SKIC3: variants seen among roughly 807,000 people sequenced by gnomAD.
SKIC3 encodes the protein SKI3 subunit of superkiller complex.
the SKIC3 span, among the ~76,000 whole-genome samples, chr5:95,539,268 T>C: frequency 6.6e-6 from 1 of 150,702 alleles, no homozygotes; most frequent in African/African-American, 2.4e-5. Flanking sequence ...AAAACAACAA[T>C]CCCATCAAAA....
chr5:95,525,426 T>C, the SKIC3 span: 3 of 1,613,964 alleles, frequency 1.9e-6, no homozygotes, highest in South Asian at 1.1e-5. Context: ...TAGTCCTTTT[T>C]GGTGAAATGA....
the SKIC3 span, among the ~76,000 whole-genome samples, chr5:95,472,564 A>G: frequency 2.6e-5 from 4 of 151,742 alleles, no homozygotes; most frequent in Admixed American, 1.3e-4. Context: ...CAGGGGGAAA[A>G]TGGGTGAGGC....
chr5:95,510,699 A>C, the SKIC3 span, among the ~76,000 whole-genome samples: 1 of 152,088 alleles, frequency 6.6e-6, no homozygotes, highest in Non-Finnish European at 1.5e-5. Flanking sequence ...CATCCACCAA[A>C]TTATTCTTAA....
the SKIC3 span, among the ~76,000 whole-genome samples, chr5:95,483,362 T>C: frequency 3.3e-5 from 5 of 152,170 alleles, no homozygotes; most frequent in African/African-American, 1.2e-4. Flanking sequence ...ATTTCTAAAA[T>C]TTATTTGATT....
At chr5:95,476,367 G>C in the SKIC3 span, among the ~76,000 whole-genome samples, 6 of 152,208 alleles carry the variant, frequency 3.9e-5, no homozygotes, top group African/African-American at 1.4e-4. Context: ...CTGATATCTA[G>C]TATCTTAGCC....
chr5:95,494,881 T>C, the SKIC3 span: 1 of 1,593,246 alleles, frequency 6.3e-7, no homozygotes, highest in African/African-American at 1.3e-5. Flanking sequence ...TATGACATAA[T>C]CCCTAAGACT....
the SKIC3 span, chr5:95,494,568 G>T: frequency 9.1e-7 from 1 of 1,100,592 alleles, no homozygotes; most frequent in Middle Eastern, 2.8e-4. Flanking sequence ...ATTTTTGTCT[G>T]GTATAAACAA....
the SKIC3 span, chr5:95,484,622 C>T: frequency 1.3e-6 from 2 of 1,526,068 alleles, no homozygotes; most frequent in South Asian, 2.3e-5. Context: ...GCCAGGAATA[C>T]AGGAGTGAGC....
At chr5:95,548,169 G>C in the SKIC3 span, among the ~76,000 whole-genome samples, 2 of 152,000 alleles carry the variant, frequency 1.3e-5, no homozygotes, top group African/African-American at 4.8e-5. Flanking sequence ...TGTATTTTCT[G>C]TCAGCTCCTC....
the SKIC3 span, among the ~76,000 whole-genome samples, chr5:95,519,072 A>G: frequency 6.6e-6 from 1 of 151,568 alleles, no homozygotes; most frequent in East Asian, 1.9e-4. Context: ...TTGAACATTA[A>G]TACCCTGAGA....
chr5:95,464,817 T>G, the SKIC3 span: 2 of 692,086 alleles, frequency 2.9e-6, no homozygotes, highest in East Asian at 5.5e-5. Context: ...AAAGTGACTC[T>G]GTGCAATCTT....
chr5:95,517,046 G>A, the SKIC3 span: 3 of 1,613,598 alleles, frequency 1.9e-6, no homozygotes, highest in Admixed American at 3.3e-5. Context: ...CAGTTTTAAT[G>A]CACGACCATA....
the SKIC3 span, chr5:95,548,559 C>A: frequency 6.6e-6 from 1 of 151,850 alleles, no homozygotes; most frequent in South Asian, 2.1e-4. Context: ...GAAACTACTA[C>A]CTTATCTGAA....
the SKIC3 span, chr5:95,502,817 C>T: frequency 6.2e-7 from 1 of 1,601,140 alleles, no homozygotes; most frequent in South Asian, 1.1e-5. Flanking sequence ...ACGCTTTCTC[C>T]AATTCTCAAC....
the SKIC3 span, chr5:95,547,129 T>C: frequency 6.2e-7 from 1 of 1,613,186 alleles, no homozygotes; most frequent in Non-Finnish European, 8.5e-7. Context: ...TTTAGAGCAG[T>C]CTTCACTTCC....
the SKIC3 span, chr5:95,543,212 A>G: frequency 6.2e-7 from 1 of 1,613,936 alleles, no homozygotes; most frequent in Non-Finnish European, 8.5e-7. Context: ...GTCTGGCTCT[A>G]ATTCAGCAGC....
chr5:95,520,605 T>G, the SKIC3 span: 1 of 827,206 alleles, frequency 1.2e-6, no homozygotes, highest in African/African-American at 1.7e-5. Context: ...TCTTTATGTT[T>G]GACATTCTGA....
chr5:95,530,163 G>A, the SKIC3 span: 2 of 1,613,538 alleles, frequency 1.2e-6, no homozygotes, highest in Non-Finnish European at 1.7e-6. Flanking sequence ...AATGAGGCCT[G>A]GACCACTTTT....
chr5:95,502,208 G>T, the SKIC3 span, among the ~76,000 whole-genome samples: 1 of 152,078 alleles, frequency 6.6e-6, no homozygotes, highest in East Asian at 1.9e-4. Flanking sequence ...TGGGAGGCAA[G>T]GATATAAGCT....
Sources: gnomAD v4.1 joint callset for allele counts (sites outside exome capture counted in the v4.1 genomes callset) on GRCh38, gnomAD v4.1.1 for gene constraint, MANE v1.5 for transcripts, NCBI Gene and HGNC (gene_info 2026-07-23, HGNC 2026-07-21) for gene names.